The following LUZP1 variants were observed in gnomAD, a reference collection of about 807,000 sequenced individuals.
The protein encoded by LUZP1 is filamin mechanobinding actin cross-linking protein.
LUZP1 carries 25 observed loss-of-function variants against 71.3 expected under a neutral mutation model. That is an observed-to-expected ratio of 0.35 (90% confidence interval 0.26 to 0.49). LUZP1 has a LOEUF of 0.49. Ranked by LOEUF, LUZP1 falls within the 20% of genes least tolerant of loss-of-function variation. The pLI, the probability that LUZP1 is intolerant of heterozygous loss-of-function variation, is 0.99. For missense variants in LUZP1, 1,142 were observed against 1,300.8 expected (o/e 0.88, Z 1.88); for synonymous variants, 481 against 506.4 (o/e 0.95, Z 0.67).
chr1:23,129,519 T>C (rs1644197784), intron 2 of LUZP1, among the ~76,000 whole-genome samples: 2 of 152,158 alleles, frequency 1.3e-5, no homozygotes, highest in Non-Finnish European at 2.9e-5. Flanking sequence ...AGGCGGAGGT[T>C]GCGGTGAACC....
intron 2 of LUZP1, among the ~76,000 whole-genome samples, chr1:23,161,740 A>G (rs1215339748): frequency 6.6e-6 from 1 of 152,176 alleles, no homozygotes; most frequent in Non-Finnish European, 1.5e-5. Flanking sequence ...AAGAACTGAA[A>G]TGGCCAGGCA....
chr1:23,131,219 C>CAAAAAAA (rs71020480), intron 2 of LUZP1, among the ~76,000 whole-genome samples: 33 of 45,040 alleles, frequency 7.3e-4, no homozygotes, highest in East Asian at 4.5e-3. Context: ...GACTCCATCT[C>CAAAAAAA]AAAAAAAAAA....
chr1:23,089,910 G>A (rs1643828143), intron 4 of LUZP1, among the ~76,000 whole-genome samples: 1 of 152,126 alleles, frequency 6.6e-6, no homozygotes, highest in Non-Finnish European at 1.5e-5. Flanking sequence ...ACAGGCATGT[G>A]CCACCACACC....
At chr1:23,153,050 A>AT (rs1295002092) in intron 2 of LUZP1, among the ~76,000 whole-genome samples, 3 of 152,182 alleles carry the variant, frequency 2.0e-5, no homozygotes, top group African/African-American at 7.2e-5. Context: ...CTTCTTGATT[A>AT]ATGTCATAAT....
At chr1:23,092,181 G>T (rs1330461645) in exon 4 of LUZP1, 1 of 1,614,112 alleles carries the variant, frequency 6.2e-7, no homozygotes, top group African/African-American at 1.3e-5. Flanking sequence ...TCGGGTTTTA[G>T]CCTTTTCTCT....
At chr1:23,085,642 CTA>C (rs1272986166) in exon 5 of LUZP1, 1 of 152,260 alleles carries the variant, frequency 6.6e-6, no homozygotes, top group Non-Finnish European at 1.5e-5. Context: ...TCCAAGAACA[CTA>C]TAGTGCCCCC....
chr1:23,173,625 G>A (rs1030892971), intron 1 of LUZP1, among the ~76,000 whole-genome samples: 1 of 151,996 alleles, frequency 6.6e-6, no homozygotes, highest in Non-Finnish European at 1.5e-5. Flanking sequence ...CCAAAGTGCT[G>A]GGATTACAGG....
At chr1:23,156,812 C>G (rs1218101456) in intron 2 of LUZP1, among the ~76,000 whole-genome samples, 1 of 152,142 alleles carries the variant, frequency 6.6e-6, no homozygotes, top group Non-Finnish European at 1.5e-5. Flanking sequence ...ACCTCACACA[C>G]ACACAAAATG....
chr1:23,170,462 C>CTTTTTTTTTTTTTTT (rs200073505), intron 1 of LUZP1, among the ~76,000 whole-genome samples: 3 of 127,442 alleles, frequency 2.4e-5, no homozygotes, highest in East Asian at 2.2e-4. Context: ...CTTTTTCTTT[C>CTTTTTTTTTTTTTTT]TTTTTTTTTT....
In LUZP1 at chr1:23,094,291, AG is replaced by A. The variant is rs766114015; in HGVS notation, c.-31del. ...ACTGCCAGCCAATGTGGGCTCCTAG[AG>A]GCATCCAATTCCACTCAAGGGGATG... On this transcript the variant is annotated 5_prime_UTR_variant, in exon 4 of 5. The change creates a premature stop within an existing upstream ORF in the 5' untranslated region. Coordinates refer to ENST00000302291, the Ensembl canonical transcript of LUZP1. This position sits in a 1 kb window ranked among gnomAD's most constrained non-coding sequence, Gnocchi z 4.7. The A allele has an allele frequency of 7.1e-6, 11 of 1,553,164 alleles. No individual in the cohort carries two copies. The highest frequency in any genetic ancestry group is 1.4e-5 in the African/African-American group (1 of 72,536).
intron 2 of LUZP1, among the ~76,000 whole-genome samples, chr1:23,145,612 C>T (rs1349406745): frequency 1.3e-5 from 2 of 151,648 alleles, no homozygotes; most frequent in South Asian, 2.1e-4. Context: ...TGGGATTACA[C>T]GTGCATGCCA....
chr1:23,090,750 G>T, intron 4 of LUZP1: 1 of 663,076 alleles, frequency 1.5e-6, no homozygotes, highest in East Asian at 2.7e-5. Context: ...TGAGGCGGCC[G>T]AGAACTTGCT....
chr1:23,104,391 C>A (rs547148212), intron 3 of LUZP1, among the ~76,000 whole-genome samples: 3 of 151,790 alleles, frequency 2.0e-5, no homozygotes, highest in African/African-American at 7.2e-5. Flanking sequence ...ACTATGTTGC[C>A]AACACTGGTC....
intron 2 of LUZP1, among the ~76,000 whole-genome samples, chr1:23,168,301 C>T (rs1415580102): frequency 6.7e-6 from 1 of 148,702 alleles, no homozygotes; most frequent in Non-Finnish European, 1.5e-5. Context: ...CCCGCCGGGC[C>T]CCGCGCAGCC....
intron 2 of LUZP1, among the ~76,000 whole-genome samples, chr1:23,151,159 C>T (rs1211891223): frequency 6.6e-6 from 1 of 152,152 alleles, no homozygotes; most frequent in Non-Finnish European, 1.5e-5. Flanking sequence ...ATTCTCCCAC[C>T]TCAACCTCCC....
chr1:23,119,387 T>A (rs1180369915), intron 2 of LUZP1, among the ~76,000 whole-genome samples: 2 of 151,592 alleles, frequency 1.3e-5, no homozygotes, highest in African/African-American at 4.9e-5. Context: ...GCCTCCTGAT[T>A]AGCTAGGACA....
intron 2 of LUZP1, among the ~76,000 whole-genome samples, chr1:23,161,770 TC>T (rs1644468115): frequency 6.6e-6 from 1 of 152,078 alleles, no homozygotes; most frequent in Non-Finnish European, 1.5e-5. Flanking sequence ...ACGCCTGTAA[TC>T]CCAGCACCTT....
intron 2 of LUZP1, among the ~76,000 whole-genome samples, chr1:23,128,813 CT>C (rs1258709440): frequency 1.3e-5 from 2 of 152,268 alleles, no homozygotes; most frequent in East Asian, 1.9e-4. Flanking sequence ...TAATAATTCC[CT>C]CCTTTCATGC....
At chr1:23,110,582 ATGCACACATGCACACATACC>A (rs1166653347) in intron 2 of LUZP1, among the ~76,000 whole-genome samples, 62 of 137,482 alleles carry the variant, frequency 4.5e-4, no homozygotes, top group African/African-American at 2.0e-3. Context: ...CCACCAAAAC[ATGCACACATGCACACATACC>A]TGCACCTGCG....
Sources: gnomAD v4.1 joint callset for allele counts (sites outside exome capture counted in the v4.1 genomes callset) on GRCh38, gnomAD v4.1.1 for gene constraint, Gnocchi (gnomAD v3.1) non-coding constraint, MANE v1.5 for transcripts, NCBI Gene and HGNC (gene_info 2026-07-23, HGNC 2026-07-21) for gene names.